RIPOR1: variants seen among roughly 807,000 people sequenced by gnomAD.
RIPOR1 encodes rho family-interacting cell polarization regulator 1.
RIPOR1 carries 58 observed loss-of-function variants against 116.5 expected under a neutral mutation model. The observed-to-expected ratio is 0.50, with a 90% CI of 0.40 to 0.62. The LOEUF (loss-of-function observed/expected upper bound fraction) is 0.62. Among genes scored for constraint, RIPOR1 ranks in the 20% least tolerant of loss-of-function variants. The pLI is 0.00. For synonymous variants in RIPOR1, 605 were observed against 650.0 expected (o/e 0.93, Z 1.05); for missense variants, 1,372 against 1,586.2 (o/e 0.86, Z 2.29).
rs990400194 is a variant in RIPOR1 at position 67,537,404 on chromosome 16, T to C, written c.-23-1020T>C. 1 of 1,235,904 alleles carries C rather than the reference T, an allele frequency of 8.1e-7. No individual in the cohort carries two copies. Among genetic ancestry groups the C allele is most frequent in the Middle Eastern group, 3.1e-4 (1 of 3,230 alleles). 76.6% of individuals were successfully genotyped at this position (1,235,904 alleles called of 1,614,324 possible). The stretch of plus-strand genomic sequence containing the variant: ...AACCCCAGTCACCGGTCCCGCCCCA[T>C]CCAGGCGGGCTGAGTCAGGCGGCAG... On this transcript the variant is annotated intron_variant, in intron 1 of 21. Transcript: ENST00000042381. This position sits in a 1 kb window ranked among gnomAD's most constrained non-coding sequence, Gnocchi z 4.6.
Position 67,541,232 on chromosome 16 carries a change from AATTTT to A in RIPOR1, c.802-197_802-193del. ...AGGTGCACCACCATGCCTGGCTAAAAATTTTTTTTTTTTTTTTTTTTGAGACAGAG... is the reference window on the plus strand; with the variant it reads ...AGGTGCACCACCATGCCTGGCTAAAATTTTTTTTTTTTTTTTGAGACAGAG... On this transcript the variant is annotated intron_variant, in intron 10 of 21. Transcript: ENST00000042381. This position sits in a 1 kb window ranked among gnomAD's most constrained non-coding sequence, Gnocchi z 4.6. The A allele has an allele frequency of 6.7e-6, 4 of 592,660 alleles. No individual in the cohort carries two copies. Among genetic ancestry groups the A allele is most frequent in the East Asian group, 2.9e-5 (1 of 34,294 alleles). 36.7% of individuals were successfully genotyped at this position (592,660 alleles called of 1,614,324 possible).
Position 67,542,319 on chromosome 16 carries a change from A to T in RIPOR1, c.1533A>T (p.Thr511=). The T allele has an allele frequency of 1.2e-6, 2 of 1,613,790 alleles. No individual in the cohort carries two copies. Among genetic ancestry groups the T allele is most frequent in the Non-Finnish European group, 1.7e-6 (2 of 1,179,914 alleles). The change falls in exon 13 of 22, where the codon ACA becomes ACT. Residue 511 remains threonine, a synonymous_variant. Coordinates refer to ENST00000042381, the MANE Select transcript of RIPOR1 (RefSeq NM_024519.4). This position sits in a 1 kb window ranked among gnomAD's most constrained non-coding sequence, Gnocchi z 4.6. ...CTGCCACAAGCTCTACCCTCGGTAC[A>T]ACAGGCTCTGTCCCCACATCTACAG... ...GHSATSSTLG[T]TGSVPTSTDP...
chr16:67,538,605 TGG>T (rs2050873270), intron 2 of RIPOR1, 55 bp downstream of exon 2: 32 of 1,607,326 alleles, frequency 2.0e-5, no homozygotes, highest in Non-Finnish European at 2.7e-5. Flanking sequence ...GGGCTGGGTC[TGG>T]GGGTGCGTAG....
At position 67,531,951 on chromosome 16, in the gene RIPOR1, G is replaced by A. The variant is rs2050671969; in HGVS notation, c.-24+3037G>A. Among the ~76,000 whole-genome samples, 1 of 152,180 alleles carries A rather than the reference G, an allele frequency of 6.6e-6. No homozygotes were observed. The highest frequency in any genetic ancestry group is 2.1e-4 in the South Asian group (1 of 4,832). ...CTGTCGCCCAGGCTGGAGTGTAGTG[G>A]TGAGATCTTGGCTCACTGCAAGCTC... On this transcript the variant is annotated intron_variant, in intron 1 of 21. Coordinates refer to ENST00000042381, the MANE Select transcript of RIPOR1 (RefSeq NM_024519.4). The surrounding 1 kb of genome is among the most constrained non-coding windows in gnomAD (Gnocchi z 4.2).
rs751442731 is a variant in RIPOR1 at position 67,544,686 on chromosome 16, G to T, written c.2734-9G>T. On this transcript the variant is annotated splice_polypyrimidine_tract_variant and intron_variant, in intron 15 of 21. Coordinates refer to ENST00000042381, the MANE Select transcript of RIPOR1 (RefSeq NM_024519.4). The surrounding 1 kb of genome is among the most constrained non-coding windows in gnomAD (Gnocchi z 5.1). Reference sequence around the variant, plus strand: ...AGGCCTGAGCTACTTGGCCACCCATGTTCTCCAGAAACTGGGCACATTTGG... The same window carrying T: ...AGGCCTGAGCTACTTGGCCACCCATTTTCTCCAGAAACTGGGCACATTTGG... The T allele has an allele frequency of 6.2e-7, 1 of 1,612,558 alleles. No homozygotes were observed. The highest frequency in any genetic ancestry group is 2.2e-5 in the East Asian group (1 of 44,888).
rs796162372 is a variant in RIPOR1, at chr16:67,520,437, TAAGAG to T, written c.-24+1847_-24+1851del. On this transcript the variant is annotated intron_variant, in intron 1 of 1. Transcript: ENST00000562116. ...GGGATGGAAAAGAGAGAAGAGAAGA[TAAGAG>T]AAGAGAAGAGAAGAGAAGAGAAAAA... 6.1e-3 allele frequency among the ~76,000 whole-genome samples: 885 copies of T among 145,550 alleles called. 6 individuals carry two copies. Among genetic ancestry groups the T allele is most frequent in the Admixed American group, 0.012 (170 of 14,630 alleles).
At position 67,541,386 on chromosome 16, in the gene RIPOR1, A is replaced by G; in HGVS notation, c.802-44A>G. ...GACCTCAGATTTCCCATGATCTCATAGCCCCTGCACCCTTGTGACCCTACC... is the reference window on the plus strand; with the variant it reads ...GACCTCAGATTTCCCATGATCTCATGGCCCCTGCACCCTTGTGACCCTACC... On this transcript the variant is annotated intron_variant, in intron 10 of 21. Coordinates refer to ENST00000042381, the MANE Select transcript of RIPOR1 (RefSeq NM_024519.4). The surrounding 1 kb of genome is among the most constrained non-coding windows in gnomAD (Gnocchi z 4.6). 6.3e-7 allele frequency: 1 copy of G among 1,583,670 alleles called. No individual in the cohort carries two copies. The highest frequency in any genetic ancestry group is 1.1e-5 in the South Asian group (1 of 88,350).
rs1273364379 is a variant in RIPOR1, at chr16:67,546,688, T to TGG, written c.*228_*229dup. 6 of 573,142 alleles carry TGG rather than the reference T, an allele frequency of 1.0e-5. No individual in the cohort carries two copies. Among genetic ancestry groups the TGG allele is most frequent in the African/African-American group, 9.4e-5 (5 of 53,342 alleles). The allele number at this position is 573,142 out of a possible 1,614,324, so 35.5% of individuals were successfully genotyped here. On this transcript the variant is annotated 3_prime_UTR_variant, in exon 22 of 22. Coordinates refer to ENST00000042381, the MANE Select transcript of RIPOR1 (RefSeq NM_024519.4). ...ACATCCCTTGCCACAAATCAGTGTCTGGGGCTTGGCCACCCTGCCGCTGCC... is the reference window on the plus strand; with the variant it reads ...ACATCCCTTGCCACAAATCAGTGTCTGGGGGGCTTGGCCACCCTGCCGCTGCC...
At position 67,545,047 on chromosome 16, in the gene RIPOR1, G is replaced by A. The variant is rs771938729; in HGVS notation, c.2961G>A (p.Arg987=). ...RLSCFLCPVE[R]VLLTFCNQYG... ...GCTGCTTCCTCTGCCCGGTGGAGCG[G>A]GTGCTTCTCACCTTCTGCAACCAGT... The change falls in exon 17 of 22, where the codon CGG becomes CGA. Residue 987 remains arginine (R), a synonymous_variant. Transcript: ENST00000042381. The surrounding 1 kb of genome is among the most constrained non-coding windows in gnomAD (Gnocchi z 4.8). 1.2e-5 allele frequency: 20 copies of A among 1,613,290 alleles called. No homozygotes were observed. Among genetic ancestry groups the A allele is most frequent in the Non-Finnish European group, 1.5e-5 (18 of 1,180,032 alleles).
chr16:67,523,712 G>A (rs1348505204), intron 1 of RIPOR1, among the ~76,000 whole-genome samples: 3 of 149,164 alleles, frequency 2.0e-5, no homozygotes, highest in Admixed American at 6.7e-5. Context: ...ACAGGGTCTC[G>A]CTCTGTTGCC....
rs1356118526 is a variant in RIPOR1, at chr16:67,546,122, A to G, written c.3472-19A>G. 25 of 1,612,684 alleles carry G rather than the reference A, an allele frequency of 1.6e-5. No individual in the cohort carries two copies. The highest frequency in any genetic ancestry group is 2.2e-5 in the South Asian group (2 of 91,048). ...CATCTGCTCCCCTGAGCCCACCTCA[A>G]TGCTCCCTCCCCTGACAGGCTCCCG... On this transcript the variant is annotated intron_variant, in intron 20 of 21. Transcript: ENST00000042381.
rs774200169 is a variant in RIPOR1, at chr16:67,542,873, C to A, written c.2087C>A (p.Pro696His). ...TCCAGCCCCTCCAAACACTCAGACC[C>A]CACCCTCCCAGGCACTGACTCCCTT... Reference protein sequence around the residue: ...TLSSPSKHSDPTLPGTDSLPC... With the variant: ...TLSSPSKHSDHTLPGTDSLPC... Residue 696 changes from proline (P) to histidine (H), a missense_variant, in exon 13 of 22, where the codon CCC (proline) becomes CAC (histidine). By Grantham distance (77) the Pro-to-His change is moderately conservative. Transcript: ENST00000042381. This position sits in a 1 kb window ranked among gnomAD's most constrained non-coding sequence, Gnocchi z 4.6. 6.2e-7 allele frequency: 1 copy of A among 1,613,384 alleles called. No individual in the cohort carries two copies. The highest frequency in any genetic ancestry group is 8.5e-7 in the Non-Finnish European group (1 of 1,179,654).
chr16:67,543,069 T>C lies in RIPOR1; in HGVS notation c.2283T>C (p.Pro761=), dbSNP rs2142578900. 1 of 1,523,050 alleles carries C rather than the reference T, an allele frequency of 6.6e-7. No individual in the cohort carries two copies. Among genetic ancestry groups the C allele is most frequent in the South Asian group, 1.3e-5 (1 of 75,684 alleles). The allele number at this position is 1,523,050 out of a possible 1,614,324, so 94.3% of individuals were successfully genotyped here. The change falls in exon 13 of 22, where the codon CCT becomes CCC. Residue 761 remains proline (P), a synonymous_variant. Coordinates refer to ENST00000042381, the MANE Select transcript of RIPOR1 (RefSeq NM_024519.4). The surrounding 1 kb of genome is among the most constrained non-coding windows in gnomAD (Gnocchi z 4.7). ...SLSPTPSPPT[P]APQHSDLCLA... ...GCCCCACTCCCTCACCCCCAACCCC[T>C]GCACCCCAGCATTCAGACCTTTGCC...
At chr16:67,519,334 G>C (rs1393234207) in intron 1 of RIPOR1, among the ~76,000 whole-genome samples, 2 of 151,906 alleles carry the variant, frequency 1.3e-5, no homozygotes, top group Non-Finnish European at 2.9e-5. Context: ...GGAGAGGTAG[G>C]GAAGGCAGGG....
chr16:67,522,090 C>T (rs1438760767), intron 1 of RIPOR1, among the ~76,000 whole-genome samples: 2 of 151,364 alleles, frequency 1.3e-5, no homozygotes, highest in Non-Finnish European at 2.9e-5. Context: ...TGCAGTGGTG[C>T]GATCTCAGCT....
rs921980921 is a variant in RIPOR1, at chr16:67,538,341, C to T, written c.-23-83C>T. ...CAGCTGTGCCTAGCGACAGGAAAGACCTGCGCCAGCCCTGGATCCCGCTGC... is the reference window on the plus strand; with the variant it reads ...CAGCTGTGCCTAGCGACAGGAAAGATCTGCGCCAGCCCTGGATCCCGCTGC... On this transcript the variant is annotated intron_variant, in intron 1 of 21. Transcript: ENST00000042381. 3.4e-6 allele frequency: 5 copies of T among 1,485,212 alleles called. No individual in the cohort carries two copies. The African/African-American group carries it at 4.2e-5, about 12-fold the overall frequency. The allele number at this position is 1,485,212 out of a possible 1,614,324, so 92.0% of individuals were successfully genotyped here. A position where few individuals can be genotyped will look rare whatever the true frequency, so the allele number is the denominator to read the frequency against.
intron 1 of RIPOR1, among the ~76,000 whole-genome samples, chr16:67,523,354 T>C (rs1340460989): frequency 6.6e-6 from 1 of 151,650 alleles, no homozygotes; most frequent in Non-Finnish European, 1.5e-5. Context: ...GGTGAAACCC[T>C]GTCTCTACTA....
intron 4 of RIPOR1, 97 bp from the exon 5 acceptor site, chr16:67,539,629 CTG>C: frequency 7.2e-7 from 1 of 1,395,020 alleles, no homozygotes; most frequent in South Asian, 1.2e-5. Context: ...TGCTTGTGGA[CTG>C]TGGTGTGAGA....
intron 1 of RIPOR1, among the ~76,000 whole-genome samples, chr16:67,520,858 A>T (rs980493628): frequency 6.6e-6 from 1 of 151,974 alleles, no homozygotes; most frequent in Non-Finnish European, 1.5e-5. Flanking sequence ...GAGCTCACTG[A>T]GGGGCATGAA....
Sources: gnomAD v4.1 joint callset for allele counts (sites outside exome capture counted in the v4.1 genomes callset) on GRCh38, gnomAD v4.1.1 for gene constraint, Gnocchi (gnomAD v3.1) non-coding constraint, MANE v1.5 for transcripts, NCBI Gene and HGNC (gene_info 2026-07-23, HGNC 2026-07-21) for gene names.